The following FBXO4 variants were observed in gnomAD, a reference collection of about 807,000 sequenced individuals.
FBXO4 encodes the protein F-box only protein 4.
A neutral mutation model predicts 43.7 loss-of-function variants in FBXO4; 36 were observed. That is an observed-to-expected ratio of 0.82 (90% CI 0.63 to 1.09). The LOEUF is 1.09. FBXO4 is among the 50% of genes least tolerant of loss of function. FBXO4 has a pLI of 0.00. For missense variants in FBXO4, 435 were observed against 474.1 expected (o/e 0.92, Z 0.77); for synonymous variants, 180 against 165.6 (o/e 1.09, Z -0.67).
chr5:42,035,898 C>G, the FBXO4 span, among the ~76,000 whole-genome samples: 4 of 152,124 alleles, frequency 2.6e-5, no homozygotes, highest in South Asian at 8.3e-4. Context: ...TTAACTGAAA[C>G]TTGCCTTTAA....
At chr5:42,038,556 C>G in the FBXO4 span, among the ~76,000 whole-genome samples, 1 of 152,032 alleles carries the variant, frequency 6.6e-6, no homozygotes. Context: ...GTGTAATGAT[C>G]AAATCAGAGT....
At chr5:41,952,148 A>T in the FBXO4 span, 1 of 166,356 alleles carries the variant, frequency 6.0e-6, no homozygotes, top group South Asian at 1.7e-4. Flanking sequence ...ATTTGAGGAC[A>T]TTTTCTGTCC....
At chr5:41,935,912 G>A (rs1388275822) in intron 5 of FBXO4, among the ~76,000 whole-genome samples, 1 of 152,216 alleles carries the variant, frequency 6.6e-6, no homozygotes. Context: ...CTGTTACTGA[G>A]AACAAGATAG....
the FBXO4 span, among the ~76,000 whole-genome samples, chr5:42,032,847 C>T: frequency 2.2e-3 from 331 of 152,230 alleles, 1 homozygote; most frequent in African/African-American, 7.7e-3. Context: ...CTGAGTCTCA[C>T]CTGAAGACAG....
chr5:42,002,702 C>G, the FBXO4 span, among the ~76,000 whole-genome samples: 1 of 152,172 alleles, frequency 6.6e-6, no homozygotes, highest in African/African-American at 2.4e-5. Context: ...CTATATCTAT[C>G]TATATTATCT....
the FBXO4 span, among the ~76,000 whole-genome samples, chr5:42,033,805 C>G: frequency 6.6e-6 from 1 of 151,816 alleles, no homozygotes; most frequent in Non-Finnish European, 1.5e-5. Context: ...TTGGTCATGT[C>G]TTTGCTATTG....
chr5:41,950,548 CAG>C, the FBXO4 span, among the ~76,000 whole-genome samples: 1 of 152,214 alleles, frequency 6.6e-6, no homozygotes, highest in African/African-American at 2.4e-5. Flanking sequence ...GCAATCATTA[CAG>C]AGTCAGGAAA....
chr5:41,957,305 C>G, the FBXO4 span, among the ~76,000 whole-genome samples: 1 of 151,238 alleles, frequency 6.6e-6, no homozygotes, highest in Non-Finnish European at 1.5e-5. Context: ...ACAGTTTTTT[C>G]TCTTTGTGTT....
At chr5:41,983,216 T>A in the FBXO4 span, among the ~76,000 whole-genome samples, 2 of 152,198 alleles carry the variant, frequency 1.3e-5, no homozygotes, top group African/African-American at 2.4e-5. Flanking sequence ...TGATTTATAA[T>A]CCTGTATTTT....
chr5:42,014,133 G>A, the FBXO4 span, among the ~76,000 whole-genome samples: 1 of 152,142 alleles, frequency 6.6e-6, no homozygotes, highest in African/African-American at 2.4e-5. Context: ...TCAATGAGGA[G>A]TCTTCCCCAT....
At chr5:41,925,567 C>A (rs1316499259) in intron 1 of FBXO4, 69 bp downstream of exon 1, 1 of 1,198,152 alleles carries the variant, frequency 8.3e-7, no homozygotes, top group African/African-American at 1.6e-5. Flanking sequence ...CCCCTGGAGC[C>A]CCCCGGGGCC....
intron 5 of FBXO4, 33 bp from the exon 6 acceptor site, chr5:41,939,408 T>TA (rs1554024530): frequency 2.0e-6 from 3 of 1,528,600 alleles, no homozygotes; most frequent in Non-Finnish European, 2.7e-6. Flanking sequence ...TTAAAAGTAA[T>TA]GCAAATTAAG....
the FBXO4 span, among the ~76,000 whole-genome samples, chr5:41,965,760 G>A: frequency 3.3e-5 from 5 of 152,176 alleles, no homozygotes; most frequent in Non-Finnish European, 5.9e-5. Context: ...TCAGTGTGGC[G>A]ATTCCTCAGG....
intron 1 of FBXO4, among the ~76,000 whole-genome samples, chr5:41,926,677 A>G (rs1296587646): frequency 6.6e-6 from 1 of 152,230 alleles, no homozygotes; most frequent in Non-Finnish European, 1.5e-5. Flanking sequence ...TTCCTTAACT[A>G]ATTTATGTAA....
At chr5:42,036,672 G>A in the FBXO4 span, among the ~76,000 whole-genome samples, 2 of 152,160 alleles carry the variant, frequency 1.3e-5, no homozygotes, top group South Asian at 4.1e-4. Context: ...ACCTTTGATG[G>A]GGAAAGTTGG....
the FBXO4 span, among the ~76,000 whole-genome samples, chr5:41,974,440 T>A: frequency 6.6e-6 from 1 of 152,220 alleles, no homozygotes; most frequent in African/African-American, 2.4e-5. Flanking sequence ...TTTGGATGTT[T>A]TTTTCCCAGG....
chr5:41,946,306 G>T (rs573535232), downstream of FBXO4, among the ~76,000 whole-genome samples: 2 of 152,186 alleles, frequency 1.3e-5, no homozygotes, highest in Non-Finnish European at 2.9e-5. Context: ...TTATAGAATT[G>T]TGTTTATAAT....
In FBXO4 at chr5:41,927,214, G is replaced by A; in HGVS notation, c.391G>A (p.Val131Ile). ...LEILKKPISE[V>I]TDGAFFDYMA... ...AATCTTAAAAAAGCCTATATCTGAG[G>A]TCACTGATGGTGCATTTTTTGACTA... Residue 131 changes from valine (V) to isoleucine (I), a missense_variant, in exon 2 of 7, where the codon GTC becomes ATC. Physicochemically the swap from Val to Ile is conservative, Grantham distance 29 (BLOSUM62 3). Coordinates refer to ENST00000281623, the MANE Select transcript of FBXO4 (RefSeq NM_012176.3). 2 of 1,607,438 alleles carry A rather than the reference G, an allele frequency of 1.2e-6. No individual in the cohort carries two copies. Among genetic ancestry groups the A allele is most frequent in the Non-Finnish European group, 1.7e-6 (2 of 1,178,306 alleles).
At chr5:41,990,834 C>T in the FBXO4 span, among the ~76,000 whole-genome samples, 1 of 152,152 alleles carries the variant, frequency 6.6e-6, no homozygotes, top group Admixed American at 6.5e-5. Context: ...CAGGCAACTT[C>T]TTTGACCTTT....
Sources: allele counts gnomAD v4.1 joint callset (sites outside exome capture counted in the v4.1 genomes callset), GRCh38; gene constraint gnomAD v4.1.1; transcripts MANE v1.5; gene names NCBI Gene and HGNC (gene_info 2026-07-23, HGNC 2026-07-21).